The following DIP2B variants were observed in gnomAD, a reference collection of about 807,000 sequenced individuals.
The protein encoded by DIP2B is DIP2 acetate--CoA ligase B (putative), also known as disco-interacting protein 2 homolog B.
A neutral mutation model predicts 198.0 loss-of-function variants in DIP2B; 76 were observed. The observed-to-expected ratio is 0.38, with a 90% confidence interval of 0.32 to 0.46. The LOEUF (loss-of-function observed/expected upper bound fraction) is 0.46. Ranked by LOEUF, DIP2B falls within the 20% of genes least tolerant of loss-of-function variation. DIP2B has a pLI of 0.99. For synonymous variants in DIP2B, 701 were observed against 739.1 expected (o/e 0.95, Z 0.84); for missense variants, 1,559 against 1,978.4 (o/e 0.79, Z 4.02).
At chr12:50,660,105 T>TA in intron 3 of DIP2B, 89 bp from the exon 4 acceptor site, 1 of 1,190,184 alleles carries the variant, frequency 8.4e-7, no homozygotes, top group Non-Finnish European at 1.1e-6. Flanking sequence ...TTTTTTTTTT[T>TA]AAACAATTGA....
intron 23 of DIP2B, among the ~76,000 whole-genome samples, chr12:50,718,163 G>T (rs1038756152): frequency 7.2e-5 from 11 of 151,876 alleles, no homozygotes; most frequent in African/African-American, 2.7e-4. Context: ...CTCCCAAAGT[G>T]CTGGGATTAC....
At chr12:50,714,111 C>G (rs1266880158) in intron 22 of DIP2B, among the ~76,000 whole-genome samples, 1 of 152,118 alleles carries the variant, frequency 6.6e-6, no homozygotes, top group Non-Finnish European at 1.5e-5. Flanking sequence ...AGAATAAAAA[C>G]TTAAAAAGAG....
At chr12:50,545,398 C>G (rs1593596967) in intron 1 of DIP2B, among the ~76,000 whole-genome samples, 1 of 148,942 alleles carries the variant, frequency 6.7e-6, no homozygotes, top group South Asian at 2.2e-4. Flanking sequence ...CTCCCTCCCC[C>G]TCCCCTCCGT....
At chr12:50,646,280 C>T (rs908840205) in intron 3 of DIP2B, among the ~76,000 whole-genome samples, 3 of 150,192 alleles carry the variant, frequency 2.0e-5, no homozygotes, top group Non-Finnish European at 4.4e-5. Flanking sequence ...CGTGCCACCA[C>T]ACCCAACTAA....
At chr12:50,512,963 C>CA (rs1272721070) in intron 1 of DIP2B, among the ~76,000 whole-genome samples, 4 of 152,232 alleles carry the variant, frequency 2.6e-5, no homozygotes, top group Middle Eastern at 3.4e-3. Context: ...GCTAGGACCG[C>CA]ACCACTGCAC....
intron 1 of DIP2B, 93 bp from the exon 2 acceptor site, chr12:50,625,883 A>T: frequency 3.1e-6 from 4 of 1,284,350 alleles, no homozygotes; most frequent in Non-Finnish European, 3.3e-6. Context: ...TATATGGGGT[A>T]GTTCTATAAC....
chr12:50,734,489 C>T (rs1940102542), intron 33 of DIP2B, among the ~76,000 whole-genome samples: 1 of 152,166 alleles, frequency 6.6e-6, no homozygotes, highest in Non-Finnish European at 1.5e-5. Context: ...AGTCTCTTTC[C>T]TCTAAGAGTT....
intron 2 of DIP2B, among the ~76,000 whole-genome samples, chr12:50,627,647 T>C (rs1263077689): frequency 6.6e-6 from 1 of 152,244 alleles, no homozygotes; most frequent in Non-Finnish European, 1.5e-5. Flanking sequence ...GAAATCTGTA[T>C]GGTCAGCACA....
intron 10 of DIP2B, 55 bp from the exon 11 acceptor site, chr12:50,685,778 C>T (rs934384607): frequency 6.4e-7 from 1 of 1,573,914 alleles, no homozygotes. Flanking sequence ...CAGATATGGG[C>T]ATGAGTGTGC....
chr12:50,578,593 G>A (rs1045795559), intron 1 of DIP2B, among the ~76,000 whole-genome samples: 2 of 143,972 alleles, frequency 1.4e-5, no homozygotes, highest in African/African-American at 2.6e-5. Flanking sequence ...CTGCAAGCTC[G>A]GCCTCCCGGG....
chr12:50,620,563 A>G (rs1160153176), intron 1 of DIP2B, among the ~76,000 whole-genome samples: 4 of 152,176 alleles, frequency 2.6e-5, no homozygotes, highest in Non-Finnish European at 5.9e-5. Context: ...ACTCCTGCCA[A>G]GCGCTGCAGG....
chr12:50,546,222 T>C (rs1210610890), intron 1 of DIP2B, among the ~76,000 whole-genome samples: 1 of 152,250 alleles, frequency 6.6e-6, no homozygotes, highest in Non-Finnish European at 1.5e-5. Flanking sequence ...TTCAGAAATA[T>C]CGTTAACTAG....
Position 50,698,370 on chromosome 12 carries a change from C to T in DIP2B, c.2091C>T (p.Leu697=), listed in dbSNP as rs1385091624. 1 of 1,613,804 alleles carries T rather than the reference C, an allele frequency of 6.2e-7. No individual in the cohort carries two copies. ...PGAPLPGRAI[L]SMNGLSYGVI... ...CCCCTTTGCCAGGAAGAGCCATTCTCTCAATGAATGGATTGAGCTATGGGG... is the reference window on the plus strand; with the variant it reads ...CCCCTTTGCCAGGAAGAGCCATTCTTTCAATGAATGGATTGAGCTATGGGG... Residue 697 remains leucine (L), a synonymous_variant, in exon 18 of 38, where the codon CTC becomes CTT. Transcript: ENST00000301180.
intron 20 of DIP2B, among the ~76,000 whole-genome samples, chr12:50,705,905 A>G (rs992571504): frequency 2.6e-5 from 4 of 152,240 alleles, no homozygotes; most frequent in Non-Finnish European, 4.4e-5. Context: ...GAAATTCTGT[A>G]ATGAATGAGA....
rs35098719 is a variant in DIP2B at position 50,580,538 on chromosome 12, C to CTTT, written c.101-45425_101-45423dup. 5.2e-3 allele frequency among the ~76,000 whole-genome samples: 658 copies of CTTT among 127,200 alleles called. 20 individuals carry two copies. Among genetic ancestry groups the CTTT allele is most frequent in the African/African-American group, 0.018 (616 of 34,838 alleles). 83.4% of individuals were successfully genotyped at this position (127,200 alleles called of 152,430 possible). A position where few individuals can be genotyped will look rare whatever the true frequency, so the allele number is the denominator to read the frequency against. On this transcript the variant is annotated intron_variant, in intron 1 of 37. Transcript: ENST00000301180. ...TACTTTATCCTTTCTTTTCTTTTTCCTTTTTTTTTTTTTTTGAGACTGTGT... is the reference window on the plus strand; with the variant it reads ...TACTTTATCCTTTCTTTTCTTTTTCCTTTTTTTTTTTTTTTTTTGAGACTGTGT...
intron 1 of DIP2B, among the ~76,000 whole-genome samples, chr12:50,605,590 T>C (rs550067457): frequency 6.5e-4 from 99 of 152,248 alleles, no homozygotes; most frequent in Middle Eastern, 3.4e-3. Context: ...CCATATTCAT[T>C]AGCAGTCAAT....
chr12:50,511,373 C>T (rs1250151949), intron 1 of DIP2B, among the ~76,000 whole-genome samples: 1 of 138,172 alleles, frequency 7.2e-6, no homozygotes, highest in African/African-American at 2.6e-5. Flanking sequence ...CTCACCACAA[C>T]CCCCGCCTTC....
chr12:50,747,597 C>G lies in DIP2B; in HGVS notation c.*2758C>G, dbSNP rs1300494260. On this transcript the variant is annotated 3_prime_UTR_variant, in exon 38 of 38. Transcript: ENST00000301180. The stretch of plus-strand genomic sequence containing the variant: ...AATGTTCTCTTGATGACACAGTGCT[C>G]CTACTCTATCCACATTAAGTAGCAC... The G allele has an allele frequency of 6.6e-6, 1 of 152,240 alleles. No individual in the cohort carries two copies. Among genetic ancestry groups the G allele is most frequent in the African/African-American group, 2.4e-5 (1 of 41,464 alleles). 9.4% of individuals were successfully genotyped at this position (152,240 alleles called of 1,614,324 possible). A position where few individuals can be genotyped will look rare whatever the true frequency, so the allele number is the denominator to read the frequency against.
chr12:50,533,543 G>A (rs1008040120), intron 1 of DIP2B, among the ~76,000 whole-genome samples: 1 of 152,038 alleles, frequency 6.6e-6, no homozygotes, highest in Non-Finnish European at 1.5e-5. Context: ...GGTAAGAAGG[G>A]ATTTCACCTA....
Sources: gnomAD v4.1 joint callset for allele counts (sites outside exome capture counted in the v4.1 genomes callset) on GRCh38, gnomAD v4.1.1 for gene constraint, MANE v1.5 for transcripts, NCBI Gene and HGNC (gene_info 2026-07-23, HGNC 2026-07-21) for gene names.